TUBB1: variants seen among roughly 807,000 people sequenced by gnomAD.
TUBB1 encodes tubulin beta-1 chain.
TUBB1 carries 28 observed loss-of-function variants against 22.6 expected under a neutral mutation model. The ratio of observed to expected loss-of-function variants is 1.24; its 90% CI spans 0.92 to 1.70. The LOEUF is 1.70. Among genes scored for constraint, TUBB1 ranks in the 40% most tolerant of loss-of-function variants. The pLI, the probability that TUBB1 is intolerant of heterozygous loss-of-function variation, is 0.00. For synonymous variants in TUBB1, 226 were observed against 238.0 expected (o/e 0.95, Z 0.46); for missense variants, 577 against 605.5 (o/e 0.95, Z 0.49).
At chr20:59,022,541 C>G (rs2091972356) in intron 1 of TUBB1, among the ~76,000 whole-genome samples, 1 of 152,130 alleles carries the variant, frequency 6.6e-6, no homozygotes, top group Non-Finnish European at 1.5e-5. Context: ...AATTCTAAAA[C>G]AACAGCTTTA....
intron 1 of TUBB1, among the ~76,000 whole-genome samples, chr20:59,020,430 C>T (rs550021662): frequency 1.3e-5 from 2 of 152,352 alleles, no homozygotes; most frequent in East Asian, 1.9e-4. Context: ...GTGATGTGCC[C>T]GCCTGGGCCT....
chr20:59,022,979 A>C, intron 2 of TUBB1, 26 bp downstream of exon 2: 1 of 1,588,602 alleles, frequency 6.3e-7, no homozygotes. Flanking sequence ...CTCTGGGAGC[A>C]GTGGTCCCGC....
At chr20:59,017,580 A>G (rs148256817), upstream of TUBB1, among the ~76,000 whole-genome samples, 678 of 152,330 alleles carry the variant, frequency 4.5e-3, 7 homozygotes, top group African/African-American at 0.015. Context: ...CCAGGCCTGT[A>G]GAAGGAACAC....
upstream of TUBB1, among the ~76,000 whole-genome samples, chr20:59,016,644 A>G (rs953552397): frequency 6.6e-6 from 1 of 152,186 alleles, no homozygotes; most frequent in African/African-American, 2.4e-5. Context: ...GAAAGGCTGG[A>G]AGTGAGGCAA....
Position 59,025,070 on chromosome 20 carries a change from T to C in TUBB1, c.*287T>C, listed in dbSNP as rs1349400970. ...AAAGTGCTCCCTTTGTTTCAAAGTGTTTGCCAGGCATCCAGACTACACGTG... is the reference window on the plus strand; with the variant it reads ...AAAGTGCTCCCTTTGTTTCAAAGTGCTTGCCAGGCATCCAGACTACACGTG... On this transcript the variant is annotated 3_prime_UTR_variant, in exon 4 of 4. Transcript: ENST00000217133. 2.2e-6 allele frequency: 1 copy of C among 446,552 alleles called. No individual in the cohort carries two copies. The highest frequency in any genetic ancestry group is 3.5e-5 in the Admixed American group (1 of 28,776). 27.7% of individuals were successfully genotyped at this position (446,552 alleles called of 1,614,324 possible).
Position 59,024,223 on chromosome 20 carries a change from T to C in TUBB1, c.796T>C (p.Phe266Leu), listed in dbSNP as rs760261214. 8.1e-6 allele frequency: 13 copies of C among 1,613,984 alleles called. No homozygotes were observed. Among genetic ancestry groups the C allele is most frequent in the Non-Finnish European group, 1.1e-5 (13 of 1,180,032 alleles). The change falls in exon 4 of 4, where the codon TTT becomes CTT. Residue 266 changes from phenylalanine to leucine, a missense_variant. Physicochemically the swap from Phe to Leu is conservative, Grantham distance 22 (BLOSUM62 0). Coordinates refer to ENST00000217133, the MANE Select transcript of TUBB1 (RefSeq NM_030773.4). The surrounding 1 kb of genome is among the most constrained non-coding windows in gnomAD (Gnocchi z 4.9). The stretch of plus-strand genomic sequence containing the variant: ...GGTCCCCTTCCCCCGCCTGCACTTC[T>C]TTATGCCCGGCTTTGCCCCACTCAC... ...NMVPFPRLHF[F>L]MPGFAPLTAQ...
At chr20:59,021,350 T>C (rs552328797) in intron 1 of TUBB1, among the ~76,000 whole-genome samples, 11 of 152,352 alleles carry the variant, frequency 7.2e-5, no homozygotes, top group Non-Finnish European at 1.2e-4. Flanking sequence ...ATCTTAGAAC[T>C]TGAATTTATT....
chr20:59,023,854 A>G lies in TUBB1; in HGVS notation c.427A>G (p.Thr143Ala), dbSNP rs748020777. ...GATCGTCCACTCCCTGGGCGGGGGCACAGGCTCCGGGATGGGCACTCTGCT... is the reference window on the plus strand; with the variant it reads ...GATCGTCCACTCCCTGGGCGGGGGCGCAGGCTCCGGGATGGGCACTCTGCT... The part of the protein sequence containing the change: ...FQIVHSLGGG[T>A]GSGMGTLLMN... Residue 143 changes from threonine (T) to alanine (A), a missense_variant, in exon 4 of 4, where the codon ACA becomes GCA. Thr to Ala is a moderately conservative substitution (Grantham distance 58). Coordinates refer to ENST00000217133, the MANE Select transcript of TUBB1 (RefSeq NM_030773.4). 6.2e-7 allele frequency: 1 copy of G among 1,614,162 alleles called. No homozygotes were observed. The highest frequency in any genetic ancestry group is 8.5e-7 in the Non-Finnish European group (1 of 1,180,008).
chr20:59,019,338 T>G (rs2091957514), upstream of TUBB1: 1 of 672,134 alleles, frequency 1.5e-6, no homozygotes, highest in African/African-American at 1.8e-5. Context: ...CAGGACTGGC[T>G]GAGGGCGGGG....
intron 1 of TUBB1, among the ~76,000 whole-genome samples, chr20:59,020,013 T>C (rs746421575): frequency 2.0e-5 from 3 of 152,064 alleles, no homozygotes; most frequent in Non-Finnish European, 4.4e-5. Context: ...GTAGCTGGGA[T>C]TACAGGCATG....
intron 1 of TUBB1, among the ~76,000 whole-genome samples, chr20:59,021,891 A>T (rs972058314): frequency 6.6e-6 from 1 of 152,186 alleles, no homozygotes; most frequent in African/African-American, 2.4e-5. Context: ...GCTACTTGAG[A>T]GGCTGAGGCA....
Position 59,022,938 on chromosome 20 carries a change from T to TTG in TUBB1, c.151_152insTG (p.Tyr51LeufsTer19). ...GCAGCTGGAGAGAATCAGCGTGTAC[T>TTG]ACAACGAAGCCTACGGTAGGACTGG... On this transcript the variant is annotated frameshift_variant, in exon 2 of 4. Coordinates refer to ENST00000217133, the MANE Select transcript of TUBB1 (RefSeq NM_030773.4). LOFTEE classifies it high-confidence loss of function. 6.2e-7 allele frequency: 1 copy of TTG among 1,613,870 alleles called. No homozygotes were observed. The highest frequency in any genetic ancestry group is 8.5e-7 in the Non-Finnish European group (1 of 1,179,940).
Position 59,023,632 on chromosome 20 carries a change from AG to A in TUBB1, c.277+39del, listed in dbSNP as rs749095772. The A allele has an allele frequency of 3.7e-6, 6 of 1,612,928 alleles. No individual in the cohort carries two copies. The South Asian group carries it at 5.5e-5, about 15-fold the overall frequency. ...TTTTCCAGAAGGTTCCACCAGGAGGAGGGGGGGATGCTTTACTGGTGCCCTT... is the reference window on the plus strand; with the variant it reads ...TTTTCCAGAAGGTTCCACCAGGAGGAGGGGGGATGCTTTACTGGTGCCCTT... On this transcript the variant is annotated intron_variant, in intron 3 of 3. Transcript: ENST00000217133.
upstream of TUBB1, among the ~76,000 whole-genome samples, chr20:59,016,834 C>T (rs2146371205): frequency 6.6e-6 from 1 of 152,204 alleles, no homozygotes; most frequent in African/African-American, 2.4e-5. Context: ...TGAATATCCT[C>T]CTCTTGAATT....
At chr20:59,017,426 C>G (rs2091949422), upstream of TUBB1, among the ~76,000 whole-genome samples, 1 of 152,248 alleles carries the variant, frequency 6.6e-6, no homozygotes, top group South Asian at 2.1e-4. Context: ...TTCCCCACCT[C>G]TGGGTTTCTC....
At position 59,025,008 on chromosome 20, in the gene TUBB1, C is replaced by A; in HGVS notation, c.*225C>A. The A allele has an allele frequency of 1.7e-6, 1 of 589,882 alleles. No homozygotes were observed. The highest frequency in any genetic ancestry group is 3.0e-6 in the Non-Finnish European group (1 of 331,458). 36.5% of individuals were successfully genotyped at this position (589,882 alleles called of 1,614,324 possible). A position where few individuals can be genotyped will look rare whatever the true frequency, so the allele number is the denominator to read the frequency against. On this transcript the variant is annotated 3_prime_UTR_variant, in exon 4 of 4. Coordinates refer to ENST00000217133, the MANE Select transcript of TUBB1 (RefSeq NM_030773.4). ...ACCTTGAAGAGTTTGATGTTCAGTG[C>A]ATACTTATTAACTTAAAAAAATAGC...
chr20:59,024,938 T>A lies in TUBB1; in HGVS notation c.*155T>A. On this transcript the variant is annotated 3_prime_UTR_variant, in exon 4 of 4. Coordinates refer to ENST00000217133, the MANE Select transcript of TUBB1 (RefSeq NM_030773.4). The surrounding 1 kb of genome is among the most constrained non-coding windows in gnomAD (Gnocchi z 4.9). ...CGACACAGGGACTGAGGGAGACAGG[T>A]GGGGAGCAGCTGACAGGCATTAGGG... 1.4e-6 allele frequency: 1 copy of A among 739,938 alleles called. No homozygotes were observed. Among genetic ancestry groups the A allele is most frequent in the Non-Finnish European group, 2.4e-6 (1 of 423,472 alleles). 45.8% of individuals were successfully genotyped at this position (739,938 alleles called of 1,614,324 possible).
In TUBB1 at chr20:59,024,210, C is replaced by A; in HGVS notation, c.783C>A (p.Pro261=). The A allele has an allele frequency of 6.2e-7, 1 of 1,614,178 alleles. No individual in the cohort carries two copies. The highest frequency in any genetic ancestry group is 8.5e-7 in the Non-Finnish European group (1 of 1,180,034). Residue 261 remains proline (P), a synonymous_variant, in exon 4 of 4, where the codon CCC becomes CCA. Transcript: ENST00000217133. The surrounding 1 kb of genome is among the most constrained non-coding windows in gnomAD (Gnocchi z 4.9). The part of the protein sequence containing the change: ...RKLAVNMVPF[P]RLHFFMPGFA... ...TGGCGGTGAACATGGTCCCCTTCCC[C>A]CGCCTGCACTTCTTTATGCCCGGCT... is the stretch of plus-strand genomic sequence containing the variant.
chr20:59,021,523 T>C (rs2091966987), intron 1 of TUBB1, among the ~76,000 whole-genome samples: 1 of 152,222 alleles, frequency 6.6e-6, no homozygotes. Flanking sequence ...CATTTTAATA[T>C]GTGCCTTTCA....
Sources: gnomAD v4.1 joint callset for allele counts (sites outside exome capture counted in the v4.1 genomes callset) on GRCh38, gnomAD v4.1.1 for gene constraint, Gnocchi (gnomAD v3.1) non-coding constraint, MANE v1.5 for transcripts, NCBI Gene and HGNC (gene_info 2026-07-23, HGNC 2026-07-21) for gene names.